The following EIF4G3 variants were observed in gnomAD, a reference collection of about 807,000 sequenced individuals.
The protein encoded by EIF4G3 is eukaryotic translation initiation factor 4 gamma 3.
A neutral mutation model predicts 186.4 loss-of-function variants in EIF4G3; 34 were observed. That is an observed-to-expected ratio of 0.18 (90% CI 0.14 to 0.24). EIF4G3 has a LOEUF of 0.24. EIF4G3 is among the 10% of genes least tolerant of loss of function. EIF4G3 has a pLI of 1.00. For missense variants in EIF4G3, 1,536 were observed against 1,948.5 expected (o/e 0.79, Z 3.99); for synonymous variants, 673 against 679.5 (o/e 0.99, Z 0.15).
chr1:21,105,380 C>T (rs927744044), intron 2 of EIF4G3, among the ~76,000 whole-genome samples: 3 of 151,056 alleles, frequency 2.0e-5, no homozygotes, highest in African/African-American at 4.9e-5. Flanking sequence ...CAGTGAGCCG[C>T]GATTGCGCCA....
intron 16 of EIF4G3, among the ~76,000 whole-genome samples, 192 bp from the exon 17 acceptor site, chr1:20,895,693 A>G (rs10916897): frequency 0.039 from 5,958 of 152,274 alleles, 394 homozygotes; most frequent in African/African-American, 0.13. Flanking sequence ...GTGGCAGCAC[A>G]ATGCATTATT....
intron 20 of EIF4G3, among the ~76,000 whole-genome samples, chr1:20,873,722 TA>T (rs35292233): frequency 0.54 from 74,544 of 136,980 alleles, 20,298 homozygotes; most frequent in East Asian, 0.83. Context: ...TTTTTTTCCT[TA>T]AAAAAAAAAA....
chr1:21,097,244 C>G (rs1326866871), intron 2 of EIF4G3, among the ~76,000 whole-genome samples: 1 of 152,030 alleles, frequency 6.6e-6, no homozygotes. Context: ...AGACTCTTTT[C>G]ATCGAAAAAA....
intron 20 of EIF4G3, among the ~76,000 whole-genome samples, chr1:20,867,696 G>A (rs368309500): frequency 2.0e-5 from 3 of 152,138 alleles, no homozygotes; most frequent in African/African-American, 7.2e-5. Context: ...AACGTATATT[G>A]TAATAACATA....
At chr1:21,152,865 T>C (rs1558208844) in intron 2 of EIF4G3, among the ~76,000 whole-genome samples, 1 of 152,194 alleles carries the variant, frequency 6.6e-6, no homozygotes, top group African/African-American at 2.4e-5. Flanking sequence ...ACACACTCTG[T>C]CATCCTAGCA....
intron 10 of EIF4G3, among the ~76,000 whole-genome samples, chr1:20,978,024 T>C (rs2077193298): frequency 6.6e-6 from 1 of 152,140 alleles, no homozygotes; most frequent in South Asian, 2.1e-4. Flanking sequence ...TGTATTCCCT[T>C]TGCAACACAG....
intron 11 of EIF4G3, among the ~76,000 whole-genome samples, chr1:20,970,231 T>C (rs2075562924): frequency 6.6e-6 from 1 of 152,194 alleles, no homozygotes; most frequent in Non-Finnish European, 1.5e-5. Context: ...ACAACAACCT[T>C]ATATACAAAT....
At chr1:21,134,471 C>T (rs2097204157) in intron 2 of EIF4G3, among the ~76,000 whole-genome samples, 1 of 152,082 alleles carries the variant, frequency 6.6e-6, no homozygotes, top group South Asian at 2.1e-4. Context: ...GAGTTTAAGA[C>T]CAGCCTAGCC....
chr1:20,843,313 A>G (rs528310950), intron 29 of EIF4G3, among the ~76,000 whole-genome samples: 2 of 152,088 alleles, frequency 1.3e-5, no homozygotes, highest in South Asian at 2.1e-4. Context: ...GTTCAGCAGT[A>G]TGAGACCAGC....
chr1:20,857,941 G>A (rs2075417981), intron 24 of EIF4G3, among the ~76,000 whole-genome samples: 1 of 152,210 alleles, frequency 6.6e-6, no homozygotes, highest in Non-Finnish European at 1.5e-5. Flanking sequence ...CAGCTGCACA[G>A]GTGGAAAACC....
At chr1:20,896,435 C>CAAAAAAAAAAAAAAAAAGA (rs2088102341) in intron 16 of EIF4G3, among the ~76,000 whole-genome samples, 1 of 54,720 alleles carries the variant, frequency 1.8e-5, no homozygotes, top group Non-Finnish European at 4.0e-5. Context: ...GATTCTATCT[C>CAAAAAAAAAAAAAAAAAGA]AAAAAAAAAA....
intron 2 of EIF4G3, among the ~76,000 whole-genome samples, chr1:21,167,633 C>T (rs1465680784): frequency 6.6e-6 from 1 of 152,170 alleles, no homozygotes; most frequent in African/African-American, 2.4e-5. Flanking sequence ...TGCCGGGTGC[C>T]TGTAATCCCA....
intron 14 of EIF4G3, among the ~76,000 whole-genome samples, chr1:20,922,451 C>T (rs1207954947): frequency 6.6e-6 from 1 of 152,192 alleles, no homozygotes; most frequent in African/African-American, 2.4e-5. Flanking sequence ...GCATGCACCA[C>T]CACGCCCGGT....
At chr1:21,108,902 C>CAAAAAAAAA in intron 2 of EIF4G3, among the ~76,000 whole-genome samples, 1 of 33,218 alleles carries the variant, frequency 3.0e-5, no homozygotes, top group East Asian at 8.2e-4. Context: ...GACTCCATCT[C>CAAAAAAAAA]AAAAAAAAAA....
chr1:20,851,065 A>G (rs899780194), intron 28 of EIF4G3, among the ~76,000 whole-genome samples, 193 bp downstream of exon 28: 4 of 152,236 alleles, frequency 2.6e-5, no homozygotes, highest in African/African-American at 7.2e-5. Context: ...GAAAATTTAC[A>G]AACTGTTCAG....
At chr1:20,937,576 T>C (rs2095557132) in intron 14 of EIF4G3, among the ~76,000 whole-genome samples, 1 of 152,122 alleles carries the variant, frequency 6.6e-6, no homozygotes. Flanking sequence ...ATAGAAAAAT[T>C]AGAAATCTCC....
At chr1:21,147,103 A>G (rs1348134022) in intron 2 of EIF4G3, among the ~76,000 whole-genome samples, 1 of 151,446 alleles carries the variant, frequency 6.6e-6, no homozygotes, top group East Asian at 2.0e-4. Context: ...TCTACTAAAA[A>G]TACAAAAAAC....
Position 20,984,565 on chromosome 1 carries a change from C to T in EIF4G3, c.178-2157G>A, listed in dbSNP as rs1456476363. Among the ~76,000 whole-genome samples, 941 of 140,986 alleles carry T rather than the reference C, an allele frequency of 6.7e-3. 6 individuals are homozygous for T. The highest frequency in any genetic ancestry group is 0.015 in the African/African-American group (574 of 38,364). The allele number at this position is 140,986 out of a possible 152,430, so 92.5% of individuals were successfully genotyped here. A position where few individuals can be genotyped will look rare whatever the true frequency, so the allele number is the denominator to read the frequency against. On this transcript the variant is annotated intron_variant, in intron 7 of 36. Coordinates refer to ENST00000602326, the MANE Select transcript of EIF4G3 (RefSeq NM_001391906.1). ...AGCATTATATATATATATATACACA[C>T]ACACACACACACACACACATATATA...
intron 10 of EIF4G3, among the ~76,000 whole-genome samples, chr1:20,976,562 C>T (rs187421116): frequency 6.6e-6 from 1 of 152,232 alleles, no homozygotes; most frequent in African/African-American, 2.4e-5. Context: ...TAATGTGAAA[C>T]CAATGGTGCA....
Sources: gnomAD v4.1 joint callset for allele counts (sites outside exome capture counted in the v4.1 genomes callset) on GRCh38, gnomAD v4.1.1 for gene constraint, MANE v1.5 for transcripts, NCBI Gene and HGNC (gene_info 2026-07-23, HGNC 2026-07-21) for gene names.